Variants in HMCN1 observed in about 807,000 individuals in gnomAD.
HMCN1 encodes hemicentin 1.
In HMCN1, 321 loss-of-function variants were observed where a neutral mutation model predicts 625.9. The observed-to-expected ratio is 0.51, with a 90% CI of 0.47 to 0.56. The LOEUF is 0.56. Ranked by LOEUF, HMCN1 falls within the 20% of genes least tolerant of loss-of-function variation. The probability of loss-of-function intolerance (pLI) is 0.00; values close to 1 mark genes in which losing one functional copy is unlikely to be tolerated. For synonymous variants in HMCN1, 2,425 were observed against 2,417.6 expected, an observed-to-expected ratio of 1.00 and a Z score of -0.09; for missense variants, 6,588 against 6,887.3, an observed-to-expected ratio of 0.96 and a Z score of 1.54.
intron 100 of HMCN1, among the ~76,000 whole-genome samples, chr1:186,168,980 A>G (rs1038338644): frequency 1.3e-5 from 2 of 151,810 alleles, no homozygotes; most frequent in African/African-American, 4.8e-5. Flanking sequence ...ATGTGTTCTC[A>G]TTGTTCAACT....
At chr1:186,039,931 G>A (rs747991161) in intron 39 of HMCN1, 52 bp downstream of exon 39, 2 of 1,535,794 alleles carry the variant, frequency 1.3e-6, no homozygotes, top group Non-Finnish European at 1.8e-6. Context: ...ATTCAGTACA[G>A]GAAGTACACA....
intron 68 of HMCN1, 29 bp from the exon 69 acceptor site, chr1:186,103,443 T>G: frequency 6.4e-7 from 1 of 1,569,802 alleles, no homozygotes; most frequent in Non-Finnish European, 8.8e-7. Context: ...ACTGTGGGTT[T>G]ATTATTATTT....
rs1037664854 is a variant in HMCN1, at chr1:186,172,083, G to A, written c.15766G>A (p.Asp5256Asn). The A allele has an allele frequency of 3.7e-6, 6 of 1,613,752 alleles. No homozygotes were observed. Among genetic ancestry groups the A allele is most frequent in the Non-Finnish European group, 4.2e-6 (5 of 1,179,808 alleles). The change falls in exon 102 of 107, where the codon GAT (aspartate) becomes AAT (asparagine). Residue 5256 changes from aspartate (D) to asparagine (N), a missense_variant. Physicochemically the swap from Asp to Asn is conservative, Grantham distance 23. Coordinates refer to ENST00000271588, the MANE Select transcript of HMCN1 (RefSeq NM_031935.3). Reference sequence around the variant, plus strand: ...CACCCGTGGTGGCTATAAGTGCATTGATCTTTGTCCAAATGGAATGACCAA... The same window carrying A: ...CACCCGTGGTGGCTATAAGTGCATTAATCTTTGTCCAAATGGAATGACCAA... Reference protein sequence around the residue: ...KNTRGGYKCIDLCPNGMTKAE... With the variant: ...KNTRGGYKCINLCPNGMTKAE...
chr1:186,154,046 A>T (rs915985696), intron 97 of HMCN1, 59 bp downstream of exon 97: 1 of 1,396,466 alleles, frequency 7.2e-7, no homozygotes, highest in Non-Finnish European at 1.0e-6. Flanking sequence ...GGTTAAAAAA[A>T]TTCAAAATAA....
rs753213171 is a variant in HMCN1, at chr1:186,003,698, A to G, written c.4349-20A>G. ...TTTTGCTGAGTAACAGAGTTTCATA[A>G]TACACTGTCTTTGTTCAAGTTCCAC... On this transcript the variant is annotated intron_variant, in intron 28 of 106. Transcript: ENST00000271588. 6.2e-7 allele frequency: 1 copy of G among 1,612,460 alleles called. No individual in the cohort carries two copies. The highest frequency in any genetic ancestry group is 8.5e-7 in the Non-Finnish European group (1 of 1,178,718).
In HMCN1 at chr1:186,144,714, G is replaced by T. The variant is rs796210115; in HGVS notation, c.14266+11G>T. ...GTGACCCTTGCCCAAGTGAGTGTTG[G>T]AAATAGTGAGTCAACATTATACTTT... On this transcript the variant is annotated intron_variant, in intron 91 of 106. Coordinates refer to ENST00000271588, the MANE Select transcript of HMCN1 (RefSeq NM_031935.3). 6.2e-7 allele frequency: 1 copy of T among 1,613,604 alleles called. No individual in the cohort carries two copies. Among genetic ancestry groups the T allele is most frequent in the African/African-American group, 1.3e-5 (1 of 75,016 alleles).
intron 86 of HMCN1, among the ~76,000 whole-genome samples, chr1:186,132,993 A>T (rs925692049): frequency 6.6e-5 from 10 of 152,162 alleles, no homozygotes; most frequent in Non-Finnish European, 1.5e-4. Flanking sequence ...ATAGCTGCAT[A>T]GTATTCCATG....
Position 186,018,167 on chromosome 1 carries a change from T to C in HMCN1, c.5301-16T>C. 6.2e-7 allele frequency: 1 copy of C among 1,604,052 alleles called. No individual in the cohort carries two copies. Among genetic ancestry groups the C allele is most frequent in the Non-Finnish European group, 8.5e-7 (1 of 1,171,178 alleles). ...TTAAAATATTTATCCAGACTTCCTTTTGCCTTTTTCTATAGGTGGCTGAAG... is the reference window on the plus strand; with the variant it reads ...TTAAAATATTTATCCAGACTTCCTTCTGCCTTTTTCTATAGGTGGCTGAAG... On this transcript the variant is annotated splice_polypyrimidine_tract_variant and intron_variant, in intron 33 of 106. Coordinates refer to ENST00000271588, the MANE Select transcript of HMCN1 (RefSeq NM_031935.3).
At chr1:185,786,899 A>T (rs1235374458) in intron 1 of HMCN1, among the ~76,000 whole-genome samples, 1 of 151,946 alleles carries the variant, frequency 6.6e-6, no homozygotes, top group Non-Finnish European at 1.5e-5. Context: ...GAGACTTTTC[A>T]CCTCCCATGC....
chr1:185,903,156 C>A (rs1665910004), intron 4 of HMCN1, among the ~76,000 whole-genome samples: 1 of 151,676 alleles, frequency 6.6e-6, no homozygotes, highest in African/African-American at 2.4e-5. Context: ...ATGAAATATA[C>A]CTTGACACTT....
intron 68 of HMCN1, among the ~76,000 whole-genome samples, chr1:186,101,972 G>GGTACTT (rs1407822640): frequency 2.6e-5 from 4 of 152,110 alleles, no homozygotes; most frequent in African/African-American, 9.7e-5. Flanking sequence ...TAACCGTGAT[G>GGTACTT]GTACTTGGGC....
intron 4 of HMCN1, among the ~76,000 whole-genome samples, chr1:185,900,142 G>C (rs761325303): frequency 3.3e-5 from 5 of 151,828 alleles, no homozygotes; most frequent in African/African-American, 1.2e-4. Flanking sequence ...ATGCTGATGA[G>C]TCTGACTTTC....
intron 12 of HMCN1, among the ~76,000 whole-genome samples, chr1:185,963,425 A>G (rs1029462957): frequency 1.3e-5 from 2 of 152,092 alleles, no homozygotes; most frequent in African/African-American, 2.4e-5. Context: ...CAGTTCTTCC[A>G]TTTACTAACT....
In HMCN1 at chr1:185,922,507, TG is replaced by T. The variant is rs1558067434; in HGVS notation, c.1021+9del. On this transcript the variant is annotated intron_variant, in intron 7 of 106. Transcript: ENST00000271588. ...TCAGCAGACCAGTGCAAGGTTTGTATGTGCATATTATTTAAATTGACATAAT... is the reference window on the plus strand; with the variant it reads ...TCAGCAGACCAGTGCAAGGTTTGTATTGCATATTATTTAAATTGACATAAT... The T allele has an allele frequency of 6.2e-7, 1 of 1,604,146 alleles. No homozygotes were observed.
At chr1:186,033,332 T>C (rs1655598942) in intron 36 of HMCN1, among the ~76,000 whole-genome samples, 1 of 152,110 alleles carries the variant, frequency 6.6e-6, no homozygotes, top group African/African-American at 2.4e-5. Flanking sequence ...AAACTACATA[T>C]TGGGTACAGC....
chr1:186,151,076 C>A, intron 93 of HMCN1, 124 bp from the exon 94 acceptor site: 1 of 891,164 alleles, frequency 1.1e-6, no homozygotes, highest in Non-Finnish European at 1.8e-6. Context: ...ATTCAGATGT[C>A]ATATGACCTT....
At chr1:185,757,060 C>T (rs950866333) in intron 1 of HMCN1, among the ~76,000 whole-genome samples, 8 of 152,106 alleles carry the variant, frequency 5.3e-5, no homozygotes, top group East Asian at 1.9e-4. Context: ...CTGCAACCTC[C>T]GCCTCCTGGG....
intron 68 of HMCN1, among the ~76,000 whole-genome samples, chr1:186,095,956 G>A (rs2102424632): frequency 6.6e-6 from 1 of 152,206 alleles, no homozygotes; most frequent in South Asian, 2.1e-4. Context: ...ATTTATTCTT[G>A]TGTGCATTTA....
intron 4 of HMCN1, among the ~76,000 whole-genome samples, chr1:185,866,397 ATTTTTT>A (rs969071873): frequency 1.2e-4 from 12 of 102,602 alleles, no homozygotes; most frequent in African/African-American, 2.9e-4. Context: ...GTTTGTCATA[ATTTTTT>A]TTTTTTTTTT....
Sources: gnomAD v4.1 joint callset for allele counts (sites outside exome capture counted in the v4.1 genomes callset) on GRCh38, gnomAD v4.1.1 for gene constraint, MANE v1.5 for transcripts, NCBI Gene and HGNC (gene_info 2026-07-23, HGNC 2026-07-21) for gene names.